The following CACNG2 variants were observed in gnomAD, a reference collection of about 807,000 sequenced individuals.
CACNG2 encodes the protein voltage-dependent calcium channel gamma-2 subunit.
Under a neutral mutation model 25.9 loss-of-function variants are expected in CACNG2, and 3 were observed. That is an observed-to-expected ratio of 0.12 (90% CI 0.05 to 0.30). The LOEUF (loss-of-function observed/expected upper bound fraction) is 0.30, where lower values mean the gene tolerates loss of function less well. CACNG2 is among the 10% of genes least tolerant of loss of function. The probability of loss-of-function intolerance (pLI) is 1.00; values close to 1 mark genes in which losing one functional copy is unlikely to be tolerated. For missense variants in CACNG2, 341 were observed against 432.5 expected (o/e 0.79, Z 1.88); for synonymous variants, 167 against 173.3 (o/e 0.96, Z 0.29).
At chr22:36,599,249 A>G (rs1472768942) in intron 1 of CACNG2, among the ~76,000 whole-genome samples, 1 of 135,460 alleles carries the variant, frequency 7.4e-6, no homozygotes, top group Non-Finnish European at 1.6e-5. Flanking sequence ...GAATTCCACA[A>G]ACATAACACT....
chr22:36,590,128 C>T (rs1334448853), intron 1 of CACNG2, among the ~76,000 whole-genome samples: 1 of 152,198 alleles, frequency 6.6e-6, no homozygotes, highest in Non-Finnish European at 1.5e-5. Flanking sequence ...CTCCTGTTCC[C>T]CGCAGGAACA....
At chr22:36,647,595 TC>T (rs1936546120) in intron 1 of CACNG2, among the ~76,000 whole-genome samples, 1 of 135,436 alleles carries the variant, frequency 7.4e-6, no homozygotes, top group Non-Finnish European at 1.5e-5. Flanking sequence ...AAACTCCATA[TC>T]AAAAAAAAAA....
chr22:36,656,998 C>G, intron 1 of CACNG2, among the ~76,000 whole-genome samples: 1 of 152,314 alleles, frequency 6.6e-6, no homozygotes. Flanking sequence ...CTTTTGTTTG[C>G]TCTGTCCATG....
intron 2 of CACNG2, among the ~76,000 whole-genome samples, chr22:36,583,026 C>T (rs1935445365): frequency 6.6e-6 from 1 of 151,982 alleles, no homozygotes; most frequent in African/African-American, 2.4e-5. Context: ...GTTGTGCGTT[C>T]CTGGTGGGGC....
chr22:36,699,431 C>T (rs1318133379), intron 1 of CACNG2, among the ~76,000 whole-genome samples: 2 of 151,916 alleles, frequency 1.3e-5, no homozygotes, highest in Non-Finnish European at 2.9e-5. Context: ...GAGGCAAGGA[C>T]ATTTTTTTTT....
chr22:36,591,376 A>C (rs1482980127), intron 1 of CACNG2, among the ~76,000 whole-genome samples: 1 of 152,108 alleles, frequency 6.6e-6, no homozygotes, highest in African/African-American at 2.4e-5. Flanking sequence ...GGAATGTTCT[A>C]GTAGAGAGGG....
chr22:36,644,848 T>C (rs1280339170), intron 1 of CACNG2, among the ~76,000 whole-genome samples: 1 of 152,160 alleles, frequency 6.6e-6, no homozygotes, highest in African/African-American at 2.4e-5. Flanking sequence ...TTATATTCCT[T>C]AAGGCAAAAT....
intron 1 of CACNG2, among the ~76,000 whole-genome samples, chr22:36,680,620 CA>C: frequency 7.0e-6 from 1 of 141,986 alleles, no homozygotes; most frequent in African/African-American, 2.7e-5. Flanking sequence ...TTACTACCAC[CA>C]TCACCACCAC....
At position 36,623,300 on chromosome 22, in the gene CACNG2, C is replaced by T. The variant is rs527471798; in HGVS notation, c.212-35752G>A. 1.1e-4 allele frequency among the ~76,000 whole-genome samples: 17 copies of T among 152,212 alleles called. No individual in the cohort carries two copies. In the South Asian group the frequency reaches 3.3e-3, roughly 30 times the overall value. On this transcript the variant is annotated intron_variant, in intron 1 of 3. Coordinates refer to ENST00000300105, the MANE Select transcript of CACNG2 (RefSeq NM_006078.5). ...CCTCCCAAAGTGCTGGGATTACAGG[C>T]ATGAGCCACCATGCCCAGTCCAGAA...
At position 36,635,019 on chromosome 22, in the gene CACNG2, C is replaced by T. The variant is rs565609751; in HGVS notation, c.212-47471G>A. Among the ~76,000 whole-genome samples, 5 of 152,284 alleles carry T rather than the reference C, an allele frequency of 3.3e-5. 1 individual carries two copies. The highest frequency in any genetic ancestry group is 3.9e-4 in the East Asian group (2 of 5,188). On this transcript the variant is annotated intron_variant, in intron 1 of 3. Transcript: ENST00000300105. ...TCAATCAAGGCCAGGCGCAGTGGCT[C>T]ACGCCTGTAATCCCAGCACTTTGGG...
intron 1 of CACNG2, among the ~76,000 whole-genome samples, chr22:36,666,344 G>T (rs2145988639): frequency 6.6e-6 from 1 of 152,230 alleles, no homozygotes. Flanking sequence ...GGTGATTGAG[G>T]CTGCAGTGAG....
intron 1 of CACNG2, among the ~76,000 whole-genome samples, chr22:36,637,498 G>A (rs1397751385): frequency 6.6e-6 from 1 of 152,154 alleles, no homozygotes; most frequent in Non-Finnish European, 1.5e-5. Context: ...TGATCAGGGG[G>A]GCAGCTTGGA....
chr22:36,676,944 G>GTC (rs1555901021), intron 1 of CACNG2, among the ~76,000 whole-genome samples: 2 of 149,148 alleles, frequency 1.3e-5, no homozygotes, highest in Non-Finnish European at 1.5e-5. Flanking sequence ...GTGTGTGTGT[G>GTC]TGTGTGTGTG....
chr22:36,578,844 G>T (rs560663358), intron 2 of CACNG2, among the ~76,000 whole-genome samples: 27 of 152,278 alleles, frequency 1.8e-4, no homozygotes, highest in Middle Eastern at 3.4e-3. Context: ...TGTGCTGGAG[G>T]GGGTGGATGG....
chr22:36,702,023 T>C (rs775135466), intron 1 of CACNG2, among the ~76,000 whole-genome samples: 14 of 152,084 alleles, frequency 9.2e-5, no homozygotes, highest in East Asian at 1.9e-4. Flanking sequence ...CTCTCATAGA[T>C]GGCAATGCTA....
rs1037510830 is a variant in CACNG2 at position 36,702,610 on chromosome 22, T to C, written c.-34A>G. ...ATTATATAAACACCCAACCGACTTC[T>C]GGTTCTCGGGAGAGTGTGTGTGAGG... is the stretch of plus-strand genomic sequence containing the variant. On this transcript the variant is annotated 5_prime_UTR_variant, in exon 1 of 4. Coordinates refer to ENST00000300105, the MANE Select transcript of CACNG2 (RefSeq NM_006078.5). The C allele has an allele frequency of 6.4e-7, 1 of 1,572,468 alleles. No individual in the cohort carries two copies.
intron 1 of CACNG2, among the ~76,000 whole-genome samples, chr22:36,685,352 C>A (rs12160357): frequency 0.22 from 34,067 of 152,060 alleles, 4,030 homozygotes; most frequent in East Asian, 0.28. Flanking sequence ...CGCCTTCTCA[C>A]GCTCTTTCCC....
At chr22:36,687,595 T>C (rs1937217371) in intron 1 of CACNG2, among the ~76,000 whole-genome samples, 1 of 152,234 alleles carries the variant, frequency 6.6e-6, no homozygotes, top group Non-Finnish European at 1.5e-5. Context: ...CTCCCAAAGA[T>C]GTCCACATCC....
In CACNG2 at chr22:36,561,684, CA is replaced by C. The variant is rs1358563221; in HGVS notation, c.*2666del. ...ACCGGGGGAGACTCGCAGGCAGAGG[CA>C]GGGGGGCCTCACCTTGACCTTCAGT... On this transcript the variant is annotated 3_prime_UTR_variant, in exon 4 of 4. Transcript: ENST00000300105. 6.6e-6 allele frequency: 1 copy of C among 152,452 alleles called. No individual in the cohort carries two copies. Among genetic ancestry groups the C allele is most frequent in the Non-Finnish European group, 1.5e-5 (1 of 68,232 alleles). 9.4% of individuals were successfully genotyped at this position (152,452 alleles called of 1,614,324 possible).
Sources: gnomAD v4.1 joint callset for allele counts (sites outside exome capture counted in the v4.1 genomes callset) on GRCh38, gnomAD v4.1.1 for gene constraint, MANE v1.5 for transcripts, NCBI Gene and HGNC (gene_info 2026-07-23, HGNC 2026-07-21) for gene names.